NUMA1: variants seen among roughly 807,000 people sequenced by gnomAD.
NUMA1 encodes nuclear mitotic apparatus protein 1.
In NUMA1, 62 loss-of-function variants were observed where a neutral mutation model predicts 237.1. The observed-to-expected ratio is 0.26, with a 90% confidence interval of 0.21 to 0.32. The LOEUF is 0.32. Ranked by LOEUF, NUMA1 falls within the 10% of genes least tolerant of loss-of-function variation. The pLI is 1.00. For synonymous variants in NUMA1, 1,028 were observed against 1,066.1 expected, an observed-to-expected ratio of 0.96 and a Z score of 0.70; for missense variants, 2,533 against 2,666.5, an observed-to-expected ratio of 0.95 and a Z score of 1.10.
At chr11:72,050,810 T>C (rs753392640) in intron 2 of NUMA1, 27 of 152,248 alleles carry the variant, frequency 1.8e-4, no homozygotes, top group Non-Finnish European at 3.4e-4. Context: ...TCTGCATTCA[T>C]TGTTCACACT....
chr11:72,017,651 G>C lies in NUMA1; in HGVS notation c.1119+36C>G, dbSNP rs1938051895. On this transcript the variant is annotated intron_variant, in intron 13 of 26. Transcript: ENST00000393695. ...AACTGGACTCAGCTTTGCACATGTG[G>C]TCAAGACTGTGGCTGTGACCCCAGC... The C allele has an allele frequency of 3.7e-6, 6 of 1,610,864 alleles. No individual in the cohort carries two copies. In the East Asian group the frequency reaches 1.3e-4, roughly 36 times the overall value.
chr11:72,033,746 C>T (rs551680812), intron 3 of NUMA1, among the ~76,000 whole-genome samples: 35 of 152,220 alleles, frequency 2.3e-4, no homozygotes, highest in East Asian at 1.5e-3. Context: ...TTAGGCCAGG[C>T]GCAGTGGCTC....
At chr11:72,012,316 G>C in intron 16 of NUMA1, 85 bp downstream of exon 16, 1 of 1,297,082 alleles carries the variant, frequency 7.7e-7, no homozygotes, top group Non-Finnish European at 1.1e-6. Context: ...ACAGGAGCTG[G>C]CGGAGGCAAG....
At chr11:72,056,984 A>C (rs1034734851) in intron 2 of NUMA1, among the ~76,000 whole-genome samples, 7 of 152,112 alleles carry the variant, frequency 4.6e-5, no homozygotes, top group Non-Finnish European at 1.0e-4. Flanking sequence ...CAGAGATAAC[A>C]AAAATGTGAA....
chr11:72,040,171 G>C (rs1941493791), intron 2 of NUMA1, among the ~76,000 whole-genome samples: 1 of 152,128 alleles, frequency 6.6e-6, no homozygotes, highest in Non-Finnish European at 1.5e-5. Flanking sequence ...CATCTAAAGG[G>C]ACTAGCTTGG....
At position 72,015,066 on chromosome 11, in the gene NUMA1, A is replaced by C; in HGVS notation, c.2437T>G (p.Trp813Gly). ...TGGCTATCCTCATACCGCTCACGCC[A>C]GGCAGCTACTTCTTTGACGAGCTGC... Reference protein sequence around the residue: ...CEQLVKEVAAWRERYEDSQQE... With the variant: ...CEQLVKEVAAGRERYEDSQQE... The change falls in exon 15 of 27, where the codon TGG becomes GGG. Residue 813 changes from tryptophan (W) to glycine (G), a missense_variant. Physicochemically the swap from Trp to Gly is radical, Grantham distance 184. Coordinates refer to ENST00000393695, the MANE Select transcript of NUMA1 (RefSeq NM_006185.4). The surrounding 1 kb of genome is among the most constrained non-coding windows in gnomAD (Gnocchi z 4.0). 6.2e-7 allele frequency: 1 copy of C among 1,614,086 alleles called. No individual in the cohort carries two copies. The highest frequency in any genetic ancestry group is 8.5e-7 in the Non-Finnish European group (1 of 1,180,034).
At chr11:72,028,281 C>A (rs1192887353) in intron 4 of NUMA1, among the ~76,000 whole-genome samples, 2 of 151,988 alleles carry the variant, frequency 1.3e-5, no homozygotes, top group African/African-American at 2.4e-5. Flanking sequence ...CTTAATTCTA[C>A]CTTCTTTCCC....
intron 21 of NUMA1, 86 bp downstream of exon 21, chr11:72,007,103 T>C (rs1590864465): frequency 6.6e-7 from 1 of 1,508,732 alleles, no homozygotes. Context: ...CATCCCTCCC[T>C]GCTCCTGACT....
intron 17 of NUMA1, 133 bp from the exon 18 acceptor site, chr11:72,009,520 A>C: frequency 8.7e-7 from 1 of 1,152,302 alleles, no homozygotes; most frequent in South Asian, 1.6e-5. Context: ...AAACCACACC[A>C]CCCCAAATAC....
chr11:72,071,967 G>T lies in NUMA1; in HGVS notation c.-102-2056C>A, dbSNP rs142966455. Among the ~76,000 whole-genome samples the T allele has an allele frequency of 7.2e-5, 11 of 152,116 alleles. No individual in the cohort carries two copies. The East Asian group carries it at 2.1e-3, about 29-fold the overall frequency. On this transcript the variant is annotated intron_variant, in intron 1 of 26. Coordinates refer to ENST00000393695, the MANE Select transcript of NUMA1 (RefSeq NM_006185.4). ...GATATAATAGGCACTCATTACTTTA[G>T]GTATCTGCTCACTACCTAAGGAAAC...
At chr11:72,008,562 ACC>A in intron 20 of NUMA1, 124 bp downstream of exon 20, 1 of 1,093,924 alleles carries the variant, frequency 9.1e-7, no homozygotes, top group Non-Finnish European at 1.4e-6. Context: ...CTGGTATAAT[ACC>A]CGTTTTTCGT....
chr11:72,058,240 C>G (rs1358579494), intron 2 of NUMA1, among the ~76,000 whole-genome samples: 1 of 152,166 alleles, frequency 6.6e-6, no homozygotes, highest in East Asian at 1.9e-4. Flanking sequence ...CTCTCCAAGG[C>G]CTCCTACAAG....
intron 2 of NUMA1, among the ~76,000 whole-genome samples, chr11:72,064,920 A>T (rs1943133536): frequency 6.6e-6 from 1 of 152,220 alleles, no homozygotes; most frequent in African/African-American, 2.4e-5. Context: ...TTATAGACAG[A>T]TAGATATATC....
intron 9 of NUMA1, 99 bp from the exon 10 acceptor site, chr11:72,019,079 A>C: frequency 1.5e-6 from 2 of 1,350,676 alleles, no homozygotes; most frequent in Non-Finnish European, 2.0e-6. Context: ...GGAAGTGCGC[A>C]CTAGCAGCTG....
chr11:72,065,427 T>C (rs1340556888), intron 2 of NUMA1: 1 of 152,060 alleles, frequency 6.6e-6, no homozygotes. Flanking sequence ...AGAGTATATA[T>C]AAATTTATAT....
chr11:72,003,997 C>G lies in NUMA1; in HGVS notation c.6226G>C (p.Ala2076Pro), dbSNP rs554209111. Residue 2076 changes from alanine to proline, a missense_variant, in exon 26 of 27, where the codon GCT becomes CCT. Physicochemically the swap from Ala to Pro is conservative, Grantham distance 27. Coordinates refer to ENST00000393695, the MANE Select transcript of NUMA1 (RefSeq NM_006185.4). ...GTTCCACTGCGAGTGTTGGGGGAAG[C>G]CTTGGACAGGGCCTTCTTTGAGGCT... is the stretch of plus-strand genomic sequence containing the variant. ...RGASKKALSK[A>P]SPNTRSGTRR... 3 of 1,613,444 alleles carry G rather than the reference C, an allele frequency of 1.9e-6. No homozygotes were observed. The highest frequency in any genetic ancestry group is 1.3e-5 in the African/African-American group (1 of 75,044).
chr11:72,008,631 C>T (rs1393475983), intron 20 of NUMA1, 57 bp downstream of exon 20: 1 of 1,560,242 alleles, frequency 6.4e-7, no homozygotes, highest in Admixed American at 1.7e-5. Flanking sequence ...TAGGATACAG[C>T]CTGATAAACA....
chr11:72,016,579 G>A lies in NUMA1; in HGVS notation c.1120-49C>T, dbSNP rs1937798129. 6.3e-6 allele frequency: 10 copies of A among 1,596,922 alleles called. No homozygotes were observed. In the Admixed American group the frequency reaches 6.8e-5, roughly 11 times the overall value. On this transcript the variant is annotated intron_variant, in intron 13 of 26. Coordinates refer to ENST00000393695, the MANE Select transcript of NUMA1 (RefSeq NM_006185.4). ...GAACAGAGAGGGGGAACAGGCACCAGATTACCACACAAGCCCTCATAAACA... is the reference window on the plus strand; with the variant it reads ...GAACAGAGAGGGGGAACAGGCACCAAATTACCACACAAGCCCTCATAAACA...
chr11:72,059,022 CT>C lies in NUMA1; in HGVS notation c.-33+10819del, dbSNP rs550875323. 3.3e-5 allele frequency among the ~76,000 whole-genome samples: 5 copies of C among 152,236 alleles called. No homozygotes were observed. In the East Asian group the frequency reaches 9.7e-4, roughly 29 times the overall value. On this transcript the variant is annotated intron_variant, in intron 2 of 26. Transcript: ENST00000393695. ...TATCTAGAGTAAAATGTAAAACTCCCTCTTCATTAAGCCTCAACCCACATTT... is the reference window on the plus strand; with the variant it reads ...TATCTAGAGTAAAATGTAAAACTCCCCTTCATTAAGCCTCAACCCACATTT...
Sources: gnomAD v4.1 joint callset for allele counts (sites outside exome capture counted in the v4.1 genomes callset) on GRCh38, gnomAD v4.1.1 for gene constraint, Gnocchi (gnomAD v3.1) non-coding constraint, MANE v1.5 for transcripts, NCBI Gene and HGNC (gene_info 2026-07-23, HGNC 2026-07-21) for gene names.